The following SOS2 variants were observed in gnomAD, a reference collection of about 807,000 sequenced individuals.
SOS2 encodes SOS Ras/Rho guanine nucleotide exchange factor 2.
A neutral mutation model predicts 148.2 loss-of-function variants in SOS2; 65 were observed. That is an observed-to-expected ratio of 0.44 (90% CI 0.36 to 0.54). The LOEUF (loss-of-function observed/expected upper bound fraction) is 0.54. Ranked by LOEUF, SOS2 falls within the 20% of genes least tolerant of loss-of-function variation. The probability of loss-of-function intolerance (pLI) is 0.00; values close to 1 mark genes in which losing one functional copy is unlikely to be tolerated. For synonymous variants in SOS2, 539 were observed against 537.1 expected (o/e 1.00, Z -0.05); for missense variants, 1,341 against 1,590.2 (o/e 0.84, Z 2.67).
chr14:50,183,691 T>C (rs1371802652), intron 5 of SOS2, among the ~76,000 whole-genome samples: 2 of 152,236 alleles, frequency 1.3e-5, no homozygotes, highest in African/African-American at 2.4e-5. Context: ...GTTTTACTTA[T>C]AGCTTAGGCT....
rs1311593390 is a variant in SOS2, at chr14:50,135,090, AAAGAAAG to A, written c.2959-858_2959-852del. Among the ~76,000 whole-genome samples, 59 of 97,218 alleles carry A rather than the reference AAAGAAAG, an allele frequency of 6.1e-4. 1 individual carries two copies. Among genetic ancestry groups the A allele is most frequent in the African/African-American group, 2.5e-3 (53 of 20,994 alleles). 63.8% of individuals were successfully genotyped at this position (97,218 alleles called of 152,430 possible). A position where few individuals can be genotyped will look rare whatever the true frequency, so the allele number is the denominator to read the frequency against. ...CTGTCTCAAAAAAAAAAAAAAAAAA[AAAGAAAG>A]AAAGAAAGAAAGAAAGAAAGAATGA... On this transcript the variant is annotated intron_variant, in intron 18 of 22. Coordinates refer to ENST00000216373, the MANE Select transcript of SOS2 (RefSeq NM_006939.4).
intron 1 of SOS2, among the ~76,000 whole-genome samples, chr14:50,209,610 T>G (rs1886796939): frequency 6.6e-6 from 1 of 151,836 alleles, no homozygotes; most frequent in Non-Finnish European, 1.5e-5. Context: ...CTACAAAAAA[T>G]TAGCCAGATG....
intron 8 of SOS2, among the ~76,000 whole-genome samples, chr14:50,169,509 G>A (rs544713383): frequency 2.0e-5 from 3 of 150,806 alleles, no homozygotes; most frequent in South Asian, 2.1e-4. Flanking sequence ...GTGTGGTGGC[G>A]GTCACCTGTA....
chr14:50,147,930 G>A (rs544231607), intron 14 of SOS2, among the ~76,000 whole-genome samples: 1 of 152,112 alleles, frequency 6.6e-6, no homozygotes, highest in Non-Finnish European at 1.5e-5. Context: ...AGGCCAGCCT[G>A]GGCAACACAG....
At chr14:50,156,280 A>ACACG (rs1555369884) in intron 12 of SOS2, 1 of 151,788 alleles carries the variant, frequency 6.6e-6, no homozygotes, top group Non-Finnish European at 1.5e-5. Flanking sequence ...ACACACACAC[A>ACACG]CGCAAAGAAA....
intron 11 of SOS2, among the ~76,000 whole-genome samples, 172 bp from the exon 12 acceptor site, chr14:50,157,293 C>T (rs980954137): frequency 3.9e-5 from 6 of 152,004 alleles, no homozygotes. Flanking sequence ...ACAAAACTGA[C>T]GTTTTGTATT....
chr14:50,118,678 C>T lies in SOS2; in HGVS notation c.3665G>A (p.Arg1222Gln), dbSNP rs1202582363. The change falls in exon 23 of 23, where the codon CGG becomes CAG. Residue 1222 changes from arginine to glutamine, a missense_variant. By Grantham distance (43) the Arg-to-Gln change is conservative. Around this residue, in one of 4 missense-constraint regions of SOS2, gnomAD observed 354 missense variants for 347.7 expected, o/e 1.02. Coordinates refer to ENST00000216373, the MANE Select transcript of SOS2 (RefSeq NM_006939.4). Reference sequence around the variant, plus strand: ...ACAGTTTATAAAGTGTTCTGGAGGCCGAAGGGGAACTGGTGGAGGGGTATC... The same window carrying T: ...ACAGTTTATAAAGTGTTCTGGAGGCTGAAGGGGAACTGGTGGAGGGGTATC... Reference protein sequence around the residue: ...LPDTPPPVPLRPPEHFINCPF... With the variant: ...LPDTPPPVPLQPPEHFINCPF... The T allele has an allele frequency of 9.3e-6, 15 of 1,612,216 alleles. No individual in the cohort carries two copies. Among genetic ancestry groups the T allele is most frequent in the East Asian group, 2.2e-5 (1 of 44,818 alleles).
At chr14:50,215,512 G>A in intron 1 of SOS2, 2 of 1,221,604 alleles carry the variant, frequency 1.6e-6, no homozygotes, top group Non-Finnish European at 2.1e-6. Context: ...GTCAGAAAAA[G>A]AGCAATTAAA....
intron 21 of SOS2, among the ~76,000 whole-genome samples, chr14:50,127,138 C>CT (rs5808538): frequency 0.036 from 3,788 of 105,340 alleles, 204 homozygotes; most frequent in African/African-American, 0.11. Flanking sequence ...AGAAGGTCTC[C>CT]TTTTTTTTTT....
At chr14:50,157,747 C>G (rs1391178436) in intron 11 of SOS2, among the ~76,000 whole-genome samples, 2 of 152,050 alleles carry the variant, frequency 1.3e-5, no homozygotes, top group Non-Finnish European at 2.9e-5. Context: ...CTTGATAATA[C>G]AGTTAATAAG....
chr14:50,210,844 C>G (rs1886847543), intron 1 of SOS2, among the ~76,000 whole-genome samples: 1 of 152,136 alleles, frequency 6.6e-6, no homozygotes, highest in Admixed American at 6.5e-5. Flanking sequence ...ACCATGAAAA[C>G]TATCCACTCA....
chr14:50,123,137 A>AG (rs1207169320), intron 21 of SOS2, among the ~76,000 whole-genome samples: 1 of 152,198 alleles, frequency 6.6e-6, no homozygotes, highest in Non-Finnish European at 1.5e-5. Flanking sequence ...CTAAGGTAAC[A>AG]GCCTGAAGGA....
chr14:50,182,316 G>T lies in SOS2; in HGVS notation c.858+147C>A, dbSNP rs942315007. On this transcript the variant is annotated intron_variant, in intron 6 of 22. Coordinates refer to ENST00000216373, the MANE Select transcript of SOS2 (RefSeq NM_006939.4). ...CTACCTCAGCCTCCTGAGTCACTGGGACCACAGATGGGCACTACCATGCCT... is the reference window on the plus strand; with the variant it reads ...CTACCTCAGCCTCCTGAGTCACTGGTACCACAGATGGGCACTACCATGCCT... 5 of 675,674 alleles carry T rather than the reference G, an allele frequency of 7.4e-6. No homozygotes were observed. In the African/African-American group the frequency reaches 9.2e-5, roughly 12 times the overall value. The allele number at this position is 675,674 out of a possible 1,614,324, so 41.9% of individuals were successfully genotyped here. A position where few individuals can be genotyped will look rare whatever the true frequency, so the allele number is the denominator to read the frequency against.
intron 21 of SOS2, among the ~76,000 whole-genome samples, chr14:50,123,484 C>T (rs1173582671): frequency 1.3e-5 from 2 of 148,494 alleles, no homozygotes; most frequent in East Asian, 2.0e-4. Context: ...CGGATTCAAG[C>T]AATTCTCCTG....
chr14:50,192,978 T>C (rs1210361245), intron 4 of SOS2, among the ~76,000 whole-genome samples: 2 of 152,150 alleles, frequency 1.3e-5, no homozygotes, highest in South Asian at 2.1e-4. Context: ...AGCAGCTTTG[T>C]GCCCTCTTAT....
At chr14:50,218,974 G>T (rs777920925) in intron 1 of SOS2, among the ~76,000 whole-genome samples, 2 of 152,008 alleles carry the variant, frequency 1.3e-5, no homozygotes, top group African/African-American at 4.8e-5. Context: ...TTAGCCGGGC[G>T]TGGTGGGGCG....
intron 7 of SOS2, among the ~76,000 whole-genome samples, chr14:50,178,668 GTGCATATA>G (rs1442312419): frequency 0.01 from 685 of 68,392 alleles, 12 homozygotes; most frequent in African/African-American, 0.021. Flanking sequence ...GTGTGTGTGT[GTGCATATA>G]TATATATATA....
intron 1 of SOS2, among the ~76,000 whole-genome samples, chr14:50,222,740 G>A (rs1887237967): frequency 6.6e-6 from 1 of 152,214 alleles, no homozygotes; most frequent in Non-Finnish European, 1.5e-5. Context: ...ATATTAAAGA[G>A]GTCAGAGAGG....
intron 12 of SOS2, among the ~76,000 whole-genome samples, chr14:50,155,582 G>A (rs1884786096): frequency 6.6e-6 from 1 of 152,070 alleles, no homozygotes; most frequent in Non-Finnish European, 1.5e-5. Context: ...GTATAGGGAT[G>A]TATTTTTCTA....
Sources: gnomAD v4.1 joint callset for allele counts (sites outside exome capture counted in the v4.1 genomes callset) on GRCh38, gnomAD v4.1.1 for gene constraint, gnomAD v4.1.1 regional missense constraint, MANE v1.5 for transcripts, NCBI Gene and HGNC (gene_info 2026-07-23, HGNC 2026-07-21) for gene names.